LHFPL6: variants seen among roughly 807,000 people sequenced by gnomAD.
LHFPL6 encodes LHFPL tetraspan subfamily member 6, also known as LHFPL tetraspan subfamily member 6 protein.
In LHFPL6, 9 loss-of-function variants were observed where a neutral mutation model predicts 20.6. That is an observed-to-expected ratio of 0.44 (90% CI 0.26 to 0.76). The LOEUF is 0.76. Among genes scored for constraint, LHFPL6 ranks in the 30% least tolerant of loss-of-function variants. LHFPL6 has a pLI of 0.20. For missense variants in LHFPL6, 218 were observed against 253.5 expected, an observed-to-expected ratio of 0.86 and a Z score of 0.95; for synonymous variants, 105 against 98.7, an observed-to-expected ratio of 1.06 and a Z score of -0.38.
At chr13:39,449,969 T>C (rs1426555810) in intron 2 of LHFPL6, among the ~76,000 whole-genome samples, 1 of 152,192 alleles carries the variant, frequency 6.6e-6, no homozygotes. Context: ...GACAATCTCA[T>C]ATATTTGGAA....
At chr13:39,498,048 C>T (rs780582996) in intron 2 of LHFPL6, among the ~76,000 whole-genome samples, 10 of 152,180 alleles carry the variant, frequency 6.6e-5, no homozygotes, top group African/African-American at 1.9e-4. Flanking sequence ...CTATCAGTCA[C>T]GAGATTAAAA....
chr13:39,408,503 AC>A (rs1871171503), intron 2 of LHFPL6, among the ~76,000 whole-genome samples: 1 of 152,230 alleles, frequency 6.6e-6, no homozygotes, highest in Non-Finnish European at 1.5e-5. Context: ...ATATCCAGAG[AC>A]TTCCCAGTTC....
At chr13:39,370,735 A>AT (rs1282710922) in intron 3 of LHFPL6, among the ~76,000 whole-genome samples, 1 of 152,226 alleles carries the variant, frequency 6.6e-6, no homozygotes, top group Non-Finnish European at 1.5e-5. Context: ...CTGCCTGAGC[A>AT]TGAAGCAACC....
chr13:39,423,943 A>G (rs373389915), intron 2 of LHFPL6, among the ~76,000 whole-genome samples: 11 of 152,160 alleles, frequency 7.2e-5, no homozygotes, highest in African/African-American at 1.4e-4. Flanking sequence ...AGTAAAACCA[A>G]TTGAGAAACT....
At chr13:39,384,147 C>T (rs1409567014) in intron 2 of LHFPL6, among the ~76,000 whole-genome samples, 3 of 152,186 alleles carry the variant, frequency 2.0e-5, no homozygotes, top group African/African-American at 7.2e-5. Flanking sequence ...ATCTTAATAC[C>T]CCACCGTATT....
intron 2 of LHFPL6, among the ~76,000 whole-genome samples, chr13:39,545,828 T>C (rs1013136385): frequency 6.6e-6 from 1 of 152,134 alleles, no homozygotes; most frequent in Non-Finnish European, 1.5e-5. Context: ...CCCAACACTT[T>C]GGAAGGCTGA....
At chr13:39,491,121 C>A (rs567198297) in intron 2 of LHFPL6, among the ~76,000 whole-genome samples, 1 of 152,008 alleles carries the variant, frequency 6.6e-6, no homozygotes, top group African/African-American at 2.4e-5. Context: ...GTATAGAAAA[C>A]GAGAAACGTA....
chr13:39,461,147 G>A (rs1449564153), intron 2 of LHFPL6, among the ~76,000 whole-genome samples: 1 of 152,148 alleles, frequency 6.6e-6, no homozygotes, highest in Non-Finnish European at 1.5e-5. Flanking sequence ...GTCCATCCAT[G>A]TTGCTGCAAA....
chr13:39,484,776 C>A (rs923054048), intron 2 of LHFPL6, among the ~76,000 whole-genome samples: 3 of 152,010 alleles, frequency 2.0e-5, no homozygotes, highest in Non-Finnish European at 4.4e-5. Context: ...TTCTCACTTG[C>A]GGAGGGGGAT....
rs541862184 is a variant in LHFPL6 at position 39,473,699 on chromosome 13, C to T, written c.386-95173G>A. ...CCTGAGTCACTTTATGTGAATCTGC[C>T]ACAAATAACCCTTGGCCAATTGCGT... is the stretch of plus-strand genomic sequence containing the variant. On this transcript the variant is annotated intron_variant, in intron 2 of 3. Coordinates refer to ENST00000379589, the MANE Select transcript of LHFPL6 (RefSeq NM_005780.3). 3.9e-5 allele frequency among the ~76,000 whole-genome samples: 6 copies of T among 152,262 alleles called. No homozygotes were observed. In the East Asian group the frequency reaches 7.7e-4, roughly 20 times the overall value.
intron 2 of LHFPL6, among the ~76,000 whole-genome samples, chr13:39,533,050 T>C (rs1593352184): frequency 1.3e-5 from 2 of 152,174 alleles, no homozygotes; most frequent in Non-Finnish European, 2.9e-5. Flanking sequence ...TTTTAAGCCA[T>C]AGACATTTCT....
At chr13:39,391,827 C>T (rs1870714753) in intron 2 of LHFPL6, among the ~76,000 whole-genome samples, 6 of 152,030 alleles carry the variant, frequency 3.9e-5, no homozygotes. Flanking sequence ...AAAGAAGAAC[C>T]TCATCCATTT....
At chr13:39,346,986 AT>A (rs1211896704) in intron 3 of LHFPL6, among the ~76,000 whole-genome samples, 1 of 151,044 alleles carries the variant, frequency 6.6e-6, no homozygotes, top group African/African-American at 2.4e-5. Context: ...TGGCCCACCC[AT>A]AAGAATCACT....
At chr13:39,353,508 C>T (rs547682055) in intron 3 of LHFPL6, among the ~76,000 whole-genome samples, 6 of 151,654 alleles carry the variant, frequency 4.0e-5, no homozygotes, top group Admixed American at 6.6e-5. Context: ...GGGCAGATCA[C>T]GAGGTCAGGA....
At chr13:39,514,282 G>A (rs1000302823) in intron 2 of LHFPL6, among the ~76,000 whole-genome samples, 3 of 152,122 alleles carry the variant, frequency 2.0e-5, no homozygotes, top group Non-Finnish European at 4.4e-5. Flanking sequence ...GGTCACAAGT[G>A]ACAAAGCTCT....
chr13:39,350,468 C>A (rs1190935933), intron 3 of LHFPL6, among the ~76,000 whole-genome samples: 2 of 152,208 alleles, frequency 1.3e-5, no homozygotes, highest in Non-Finnish European at 2.9e-5. Context: ...TCTGCATACT[C>A]TTCATGAGTA....
At chr13:39,345,305 G>C (rs1247396379) in intron 3 of LHFPL6, among the ~76,000 whole-genome samples, 2 of 151,888 alleles carry the variant, frequency 1.3e-5, no homozygotes, top group African/African-American at 4.8e-5. Context: ...CTGCGGTCAG[G>C]AGTTTGAAAC....
chr13:39,592,169 C>A (rs1488440791), intron 2 of LHFPL6, among the ~76,000 whole-genome samples: 1 of 150,096 alleles, frequency 6.7e-6, no homozygotes, highest in Non-Finnish European at 1.5e-5. Context: ...AGCATCAAAA[C>A]AATAAAAATC....
intron 2 of LHFPL6, among the ~76,000 whole-genome samples, chr13:39,437,629 C>T (rs570941009): frequency 2.0e-4 from 30 of 152,240 alleles, no homozygotes; most frequent in South Asian, 8.3e-4. Flanking sequence ...ATAGGCCAGG[C>T]GCGGTGGCTC....
Sources: gnomAD v4.1 joint callset for allele counts (sites outside exome capture counted in the v4.1 genomes callset) on GRCh38, gnomAD v4.1.1 for gene constraint, MANE v1.5 for transcripts, NCBI Gene and HGNC (gene_info 2026-07-23, HGNC 2026-07-21) for gene names.